Variants in CADM2 observed in about 807,000 individuals in gnomAD.
CADM2 encodes the protein cell adhesion molecule 2, also known as immunoglobulin superfamily member 4D.
A neutral mutation model predicts 49.8 loss-of-function variants in CADM2; 12 were observed. The ratio of observed to expected loss-of-function variants is 0.24; its 90% CI spans 0.15 to 0.39. The LOEUF (loss-of-function observed/expected upper bound fraction) is 0.39. CADM2 is among the 10% of genes least tolerant of loss of function. The pLI is 1.00. For synonymous variants in CADM2, 214 were observed against 175.4 expected (o/e 1.22, Z -1.74); for missense variants, 378 against 492.3 (o/e 0.77, Z 2.20).
At chr3:85,076,292 T>C (rs1335053785) in intron 1 of CADM2, among the ~76,000 whole-genome samples, 1 of 129,192 alleles carries the variant, frequency 7.7e-6, no homozygotes, top group African/African-American at 2.8e-5. Context: ...CACCAAACTA[T>C]AAAAAAGAAA....
chr3:85,662,810 A>G (rs2065450309), intron 1 of CADM2, among the ~76,000 whole-genome samples: 1 of 152,030 alleles, frequency 6.6e-6, no homozygotes, highest in African/African-American at 2.4e-5. Flanking sequence ...GTAGCTTGTG[A>G]TTGTTTTATT....
chr3:85,240,292 G>A (rs1559738099), intron 1 of CADM2, among the ~76,000 whole-genome samples: 1 of 151,432 alleles, frequency 6.6e-6, no homozygotes. Flanking sequence ...TTTTTAGCAT[G>A]AAAAGAGCTA....
At chr3:85,862,691 A>G (rs150920878) in intron 3 of CADM2, among the ~76,000 whole-genome samples, 64 of 152,242 alleles carry the variant, frequency 4.2e-4, no homozygotes, top group African/African-American at 1.4e-3. Flanking sequence ...CTCTTACTAG[A>G]TTATTTTGAC....
intron 1 of CADM2, among the ~76,000 whole-genome samples, chr3:85,191,052 T>C (rs2041195818): frequency 1.3e-5 from 2 of 152,088 alleles, no homozygotes; most frequent in South Asian, 4.1e-4. Flanking sequence ...GTAATTAGCA[T>C]AGATGAATGA....
chr3:85,671,973 A>G (rs1559583595), intron 1 of CADM2, among the ~76,000 whole-genome samples: 1 of 152,146 alleles, frequency 6.6e-6, no homozygotes, highest in Non-Finnish European at 1.5e-5. Flanking sequence ...TGATGAGTGT[A>G]GAAATGTTGT....
intron 3 of CADM2, among the ~76,000 whole-genome samples, chr3:85,833,532 T>TGG (rs2074274644): frequency 6.6e-6 from 1 of 151,754 alleles, no homozygotes; most frequent in Non-Finnish European, 1.5e-5. Context: ...TGTTCAGGAT[T>TGG]TTTTTATTTC....
At chr3:85,495,480 A>G (rs1026582723) in intron 1 of CADM2, among the ~76,000 whole-genome samples, 1 of 152,160 alleles carries the variant, frequency 6.6e-6, no homozygotes, top group Admixed American at 6.5e-5. Flanking sequence ...GGAAAGCCCT[A>G]AAATTATCAA....
intron 1 of CADM2, among the ~76,000 whole-genome samples, chr3:85,155,052 T>G (rs2040062211): frequency 6.8e-6 from 1 of 147,382 alleles, no homozygotes; most frequent in African/African-American, 2.7e-5. Context: ...AATAACCAGC[T>G]AACATCATAA....
At chr3:85,619,652 G>T (rs1242867191) in intron 1 of CADM2, among the ~76,000 whole-genome samples, 1 of 152,116 alleles carries the variant, frequency 6.6e-6, no homozygotes, top group Non-Finnish European at 1.5e-5. Flanking sequence ...GACTTGTGAG[G>T]ATTAAGATAT....
At chr3:85,527,322 A>G (rs989911735) in intron 1 of CADM2, among the ~76,000 whole-genome samples, 1 of 151,150 alleles carries the variant, frequency 6.6e-6, no homozygotes, top group African/African-American at 2.4e-5. Context: ...GGAGTTGGAG[A>G]GTTGGAGCCT....
intron 1 of CADM2, among the ~76,000 whole-genome samples, chr3:85,088,049 C>T (rs1181715169): frequency 6.6e-6 from 1 of 150,974 alleles, no homozygotes; most frequent in African/African-American, 2.5e-5. Flanking sequence ...CATAATAAAA[C>T]AAAAGCCTGA....
chr3:85,180,514 GAAAAAAAAAAAAAA>G (rs58932967), intron 1 of CADM2, among the ~76,000 whole-genome samples: 2 of 77,308 alleles, frequency 2.6e-5, no homozygotes, highest in Admixed American at 1.5e-4. Context: ...GTCTCAAAAA[GAAAAAAAAAAAAAA>G]AAAAAAAAAG....
chr3:85,906,384 A>G (rs889046821), intron 5 of CADM2, among the ~76,000 whole-genome samples: 3 of 152,152 alleles, frequency 2.0e-5, no homozygotes, highest in Non-Finnish European at 4.4e-5. Context: ...AGACTTTAAT[A>G]TTTAGATAAA....
intron 1 of CADM2, among the ~76,000 whole-genome samples, chr3:85,552,368 T>G (rs12492778): frequency 0.15 from 1,171 of 7,660 alleles, 30 homozygotes; most frequent in South Asian, 0.3. Context: ...TTTGAAAAGT[T>G]TTTTTTTTTT....
At chr3:85,549,690 T>C (rs1327930828) in intron 1 of CADM2, among the ~76,000 whole-genome samples, 3 of 152,104 alleles carry the variant, frequency 2.0e-5, no homozygotes, top group Non-Finnish European at 4.4e-5. Context: ...ATGGTACTAT[T>C]TCAGCTCACT....
Position 86,014,909 on chromosome 3 carries a change from G to T in CADM2, c.971-50696G>T, listed in dbSNP as rs144170225. On this transcript the variant is annotated intron_variant, in intron 8 of 9. Coordinates refer to ENST00000383699, the MANE Select transcript of CADM2 (RefSeq NM_001167675.2). ...TCCTGTGTATTCTTCCTGTGATGAC[G>T]GTTGAGAATGAGTGGTATGAAAATG... 2.6e-5 allele frequency: 40 copies of T among 1,521,176 alleles called. No homozygotes were observed. The African/African-American group carries it at 5.2e-4, about 20-fold the overall frequency. The allele number at this position is 1,521,176 out of a possible 1,614,324, so 94.2% of individuals were successfully genotyped here. A position where few individuals can be genotyped will look rare whatever the true frequency, so the allele number is the denominator to read the frequency against.
intron 7 of CADM2, among the ~76,000 whole-genome samples, chr3:85,942,324 T>C (rs1401080068): frequency 5.8e-5 from 1 of 17,318 alleles, no homozygotes; most frequent in East Asian, 1.5e-3. Flanking sequence ...GCCAAATTGT[T>C]TTTTTTTGTT....
At chr3:85,562,350 C>T (rs963819698) in intron 1 of CADM2, among the ~76,000 whole-genome samples, 3 of 151,604 alleles carry the variant, frequency 2.0e-5, no homozygotes, top group African/African-American at 7.3e-5. Context: ...TGGTGGTGCA[C>T]GCCTGAAATC....
chr3:85,820,875 C>G (rs1192391423), intron 3 of CADM2, among the ~76,000 whole-genome samples: 6 of 152,058 alleles, frequency 3.9e-5, no homozygotes, highest in African/African-American at 4.8e-5. Flanking sequence ...GAGGGGGAGA[C>G]AGCACTTGAA....
Sources: gnomAD v4.1 joint callset for allele counts (sites outside exome capture counted in the v4.1 genomes callset) on GRCh38, gnomAD v4.1.1 for gene constraint, MANE v1.5 for transcripts, NCBI Gene and HGNC (gene_info 2026-07-23, HGNC 2026-07-21) for gene names.